The following SYNDIG1 variants were observed in gnomAD, a reference collection of about 807,000 sequenced individuals.
SYNDIG1 encodes the protein synapse differentiation inducing 1, also known as synapse differentiation-inducing gene protein 1.
Under a neutral mutation model 19.4 loss-of-function variants are expected in SYNDIG1, and 9 were observed. The observed-to-expected ratio is 0.46, with a 90% CI of 0.28 to 0.81. SYNDIG1 has a LOEUF of 0.81. SYNDIG1 is among the 30% of genes least tolerant of loss of function. The pLI, the probability that SYNDIG1 is intolerant of heterozygous loss-of-function variation, is 0.12. For missense variants in SYNDIG1, 311 were observed against 343.3 expected (o/e 0.91, Z 0.74); for synonymous variants, 141 against 145.9 (o/e 0.97, Z 0.24).
intron 2 of SYNDIG1, among the ~76,000 whole-genome samples, chr20:24,582,048 G>T (rs2058333890): frequency 1.1e-5 from 1 of 91,382 alleles, no homozygotes; most frequent in East Asian, 3.0e-4. Context: ...CCTCTCCGCT[G>T]CATGGCCTCC....
chr20:24,543,188 T>C lies in SYNDIG1; in HGVS notation c.91T>C (p.Leu31=), dbSNP rs924604675. 1.9e-6 allele frequency: 3 copies of C among 1,614,038 alleles called. No homozygotes were observed. Among genetic ancestry groups the C allele is most frequent in the East Asian group, 2.2e-5 (1 of 44,882 alleles). Residue 31 remains leucine, a synonymous_variant, in exon 2 of 4, where the codon TTG becomes CTG. Transcript: ENST00000376862. The part of the protein sequence containing the change: ...KRNGLINTRN[L]MAESRDGLVS... ...GAATGGTTTAATTAACACCAGAAAC[T>C]TGATGGCCGAGAGCAGAGATGGTCT...
At chr20:24,579,811 T>G (rs1302869424) in intron 2 of SYNDIG1, among the ~76,000 whole-genome samples, 1 of 152,226 alleles carries the variant, frequency 6.6e-6, no homozygotes, top group Admixed American at 6.5e-5. Flanking sequence ...ATGGGTGGTG[T>G]TCAGCTTCCC....
chr20:24,639,368 T>A (rs1244596722), intron 3 of SYNDIG1, among the ~76,000 whole-genome samples: 1 of 152,196 alleles, frequency 6.6e-6, no homozygotes, highest in East Asian at 1.9e-4. Context: ...CAGCAGTCCC[T>A]GCCACTGCAT....
At chr20:24,655,416 A>G (rs1255436494) in intron 3 of SYNDIG1, among the ~76,000 whole-genome samples, 1 of 152,212 alleles carries the variant, frequency 6.6e-6, no homozygotes, top group Non-Finnish European at 1.5e-5. Flanking sequence ...GGTTTCCAAG[A>G]AAGCGAACTC....
chr20:24,639,000 G>T (rs2059345619), intron 3 of SYNDIG1, among the ~76,000 whole-genome samples: 2 of 152,098 alleles, frequency 1.3e-5, no homozygotes, highest in Non-Finnish European at 2.9e-5. Context: ...AGCGTGGTGG[G>T]TGCAGCTGAC....
chr20:24,649,460 C>T (rs1444368549), intron 3 of SYNDIG1, among the ~76,000 whole-genome samples: 2 of 152,124 alleles, frequency 1.3e-5, no homozygotes, highest in Non-Finnish European at 2.9e-5. Context: ...CAGCGGGGCT[C>T]TTGCACACGT....
intron 2 of SYNDIG1, among the ~76,000 whole-genome samples, chr20:24,576,485 A>AT (rs1350737988): frequency 1.3e-5 from 2 of 152,082 alleles, no homozygotes; most frequent in Non-Finnish European, 2.9e-5. Flanking sequence ...AAGACAGTTG[A>AT]TCGGGGGGCA....
At chr20:24,578,118 T>C (rs1241848153) in intron 2 of SYNDIG1, among the ~76,000 whole-genome samples, 6 of 152,198 alleles carry the variant, frequency 3.9e-5, no homozygotes, top group Admixed American at 2.6e-4. Flanking sequence ...TTGGATAAAA[T>C]GTGCAGATTT....
chr20:24,661,061 C>T (rs6132757), intron 3 of SYNDIG1, among the ~76,000 whole-genome samples: 49,087 of 152,194 alleles, frequency 0.32, 8,411 homozygotes, highest in African/African-American at 0.44. Flanking sequence ...GACCCAGGCT[C>T]AGCACACCGT....
chr20:24,616,500 C>G (rs571599030), intron 3 of SYNDIG1, among the ~76,000 whole-genome samples: 1 of 152,246 alleles, frequency 6.6e-6, no homozygotes, highest in Non-Finnish European at 1.5e-5. Context: ...CCTGCCTCCC[C>G]TCTGGCAGTG....
At chr20:24,516,737 A>G (rs1377221674) in intron 1 of SYNDIG1, among the ~76,000 whole-genome samples, 3 of 152,254 alleles carry the variant, frequency 2.0e-5, no homozygotes, top group African/African-American at 7.2e-5. Context: ...AAACTAGTTC[A>G]ACCATTGTAG....
chr20:24,662,146 TCA>T (rs2059610298), intron 3 of SYNDIG1, among the ~76,000 whole-genome samples: 1 of 151,786 alleles, frequency 6.6e-6, no homozygotes, highest in South Asian at 2.1e-4. Context: ...TGGCTGGACC[TCA>T]GTTCTAACGG....
At chr20:24,631,162 G>A (rs1438878579) in intron 3 of SYNDIG1, among the ~76,000 whole-genome samples, 1 of 152,250 alleles carries the variant, frequency 6.6e-6, no homozygotes, top group African/African-American at 2.4e-5. Flanking sequence ...TCAAGGAAGA[G>A]GCTGTGGCCT....
chr20:24,646,394 T>C (rs1252188128), intron 3 of SYNDIG1, among the ~76,000 whole-genome samples: 1 of 152,152 alleles, frequency 6.6e-6, no homozygotes, highest in Non-Finnish European at 1.5e-5. Context: ...GGAAAGCCTT[T>C]GGGTCAAGGG....
rs1017599626 is a variant in SYNDIG1, at chr20:24,491,017, C to T, written c.-79+21264C>T. Among the ~76,000 whole-genome samples, 8 of 152,288 alleles carry T rather than the reference C, an allele frequency of 5.3e-5. No individual in the cohort carries two copies. In the Middle Eastern group the frequency reaches 0.01, roughly 194 times the overall value. ...GTCGTGGCCCCTGGAGCTCCTCGTG[C>T]GTCTGGTTGCTGTGGCAGGTAAGGG... On this transcript the variant is annotated intron_variant, in intron 1 of 3. Transcript: ENST00000376862.
chr20:24,527,426 G>A (rs2146591555), intron 1 of SYNDIG1, among the ~76,000 whole-genome samples: 1 of 152,080 alleles, frequency 6.6e-6, no homozygotes, highest in South Asian at 2.1e-4. Flanking sequence ...AGTATTTCAT[G>A]AACAATTGTT....
intron 3 of SYNDIG1, among the ~76,000 whole-genome samples, chr20:24,626,140 C>T (rs534469333): frequency 2.0e-4 from 30 of 150,948 alleles, no homozygotes; most frequent in African/African-American, 7.1e-4. Flanking sequence ...CCCTCACCTC[C>T]CGGACGGGGC....
chr20:24,609,498 A>C (rs1272358797), intron 3 of SYNDIG1, among the ~76,000 whole-genome samples: 1 of 152,166 alleles, frequency 6.6e-6, no homozygotes, highest in Admixed American at 6.5e-5. Flanking sequence ...TTGTGGCAGC[A>C]CTCAAGCACA....
intron 3 of SYNDIG1, among the ~76,000 whole-genome samples, chr20:24,663,099 G>A (rs2059618000): frequency 6.6e-6 from 1 of 152,218 alleles, no homozygotes; most frequent in South Asian, 2.1e-4. Flanking sequence ...CACGTTGTGT[G>A]TTTTGTGTAT....
Sources: allele counts gnomAD v4.1 joint callset (sites outside exome capture counted in the v4.1 genomes callset), GRCh38; gene constraint gnomAD v4.1.1; transcripts MANE v1.5; gene names NCBI Gene and HGNC (gene_info 2026-07-23, HGNC 2026-07-21).